CDKL1: variants seen among roughly 807,000 people sequenced by gnomAD.
CDKL1 encodes the protein cyclin-dependent kinase-like 1.
Under a neutral mutation model 42.0 loss-of-function variants are expected in CDKL1, and 41 were observed. The observed-to-expected ratio is 0.98, with a 90% CI of 0.76 to 1.27. CDKL1 has a LOEUF of 1.27. CDKL1 is among the 50% of genes most tolerant of loss of function. CDKL1 has a pLI of 0.00. For synonymous variants in CDKL1, 153 were observed against 158.6 expected, an observed-to-expected ratio of 0.96 and a Z score of 0.26; for missense variants, 394 against 428.4, an observed-to-expected ratio of 0.92 and a Z score of 0.71.
chr14:50,378,281 A>G, intron 2 of CDKL1: 2 of 1,366,568 alleles, frequency 1.5e-6, no homozygotes, highest in Non-Finnish European at 2.0e-6. Flanking sequence ...CCACGGACCT[A>G]TAATAGGATG....
Position 50,326,477 on chromosome 14 carries a change from C to G in CDKL1, c.*3597G>C. On this transcript the variant is annotated 3_prime_UTR_variant, in exon 10 of 10. Coordinates refer to ENST00000395834, the MANE Select transcript of CDKL1 (RefSeq NM_004196.7). ...AGATTCATTGATGGAGTCAATTATG[C>G]AAAGTGGTCAGTGGTTGTTGAAGCA... is the stretch of plus-strand genomic sequence containing the variant. 2.0e-6 allele frequency: 2 copies of G among 985,268 alleles called. No individual in the cohort carries two copies. The highest frequency in any genetic ancestry group is 2.4e-6 in the Non-Finnish European group (2 of 829,886). The allele number at this position is 985,268 out of a possible 1,614,324, so 61.0% of individuals were successfully genotyped here. A position where few individuals can be genotyped will look rare whatever the true frequency, so the allele number is the denominator to read the frequency against.
chr14:50,341,915 T>A (rs1054101828), intron 5 of CDKL1, among the ~76,000 whole-genome samples: 2 of 152,236 alleles, frequency 1.3e-5, no homozygotes, highest in Non-Finnish European at 2.9e-5. Flanking sequence ...TACTTTTTAA[T>A]AACTACTTTA....
chr14:50,368,351 G>A (rs926681258), intron 2 of CDKL1, among the ~76,000 whole-genome samples: 1 of 152,128 alleles, frequency 6.6e-6, no homozygotes. Context: ...CAAACTCCAG[G>A]CTCAAGTGAT....
intron 2 of CDKL1, among the ~76,000 whole-genome samples, chr14:50,369,766 C>T (rs2034539433): frequency 6.6e-6 from 1 of 151,300 alleles, no homozygotes; most frequent in Non-Finnish European, 1.5e-5. Flanking sequence ...TTACAGGCAC[C>T]AGCCACCACC....
chr14:50,393,133 A>G (rs2035306251), intron 2 of CDKL1, among the ~76,000 whole-genome samples: 1 of 152,094 alleles, frequency 6.6e-6, no homozygotes, highest in South Asian at 2.1e-4. Context: ...GAAATGCCTT[A>G]TCTCTCATTC....
At chr14:50,367,739 C>T (rs1172873779) in intron 2 of CDKL1, among the ~76,000 whole-genome samples, 3 of 152,118 alleles carry the variant, frequency 2.0e-5, no homozygotes, top group Non-Finnish European at 4.4e-5. Context: ...AAGCCAAAGC[C>T]TCAGGTCTGG....
intron 3 of CDKL1, among the ~76,000 whole-genome samples, chr14:50,352,170 C>T (rs1280103424): frequency 2.0e-5 from 3 of 152,134 alleles, no homozygotes; most frequent in Non-Finnish European, 4.4e-5. Flanking sequence ...CTGGTTTTGG[C>T]ATCAGCATAT....
At chr14:50,359,517 G>T (rs953814267) in intron 2 of CDKL1, among the ~76,000 whole-genome samples, 1 of 151,906 alleles carries the variant, frequency 6.6e-6, no homozygotes, top group Non-Finnish European at 1.5e-5. Flanking sequence ...TGTCTAAAAG[G>T]CCCCCTGAAG....
chr14:50,358,975 G>T, intron 3 of CDKL1, 53 bp downstream of exon 3: 1 of 1,568,342 alleles, frequency 6.4e-7, no homozygotes, highest in Non-Finnish European at 8.7e-7. Flanking sequence ...GCCACTTTTC[G>T]CTCACAAATC....
At chr14:50,359,751 G>A (rs1392439841) in intron 2 of CDKL1, among the ~76,000 whole-genome samples, 1 of 136,162 alleles carries the variant, frequency 7.3e-6, no homozygotes, top group African/African-American at 2.8e-5. Flanking sequence ...GCATTCCATC[G>A]TTATTTACTC....
intron 3 of CDKL1, 95 bp downstream of exon 3, chr14:50,358,933 C>T: frequency 7.8e-7 from 1 of 1,282,568 alleles, no homozygotes. Flanking sequence ...AGCCACTGCA[C>T]CCGGCCTTAC....
At chr14:50,385,117 G>A (rs950715339) in intron 2 of CDKL1, among the ~76,000 whole-genome samples, 18 of 142,464 alleles carry the variant, frequency 1.3e-4, no homozygotes, top group African/African-American at 4.5e-4. Flanking sequence ...AAGAACCATT[G>A]GGTGAAAGTT....
At chr14:50,343,403 T>C (rs1280529907) in intron 4 of CDKL1, among the ~76,000 whole-genome samples, 2 of 152,168 alleles carry the variant, frequency 1.3e-5, no homozygotes, top group African/African-American at 2.4e-5. Context: ...GTGTCAATGT[T>C]TCCCCATGGG....
At chr14:50,357,229 T>C (rs901299868) in intron 3 of CDKL1, 2 of 152,212 alleles carry the variant, frequency 1.3e-5, no homozygotes, top group African/African-American at 4.8e-5. Flanking sequence ...CTATGTAAAT[T>C]AACATTCTGA....
chr14:50,376,438 T>C, intron 2 of CDKL1: 1 of 469,540 alleles, frequency 2.1e-6, no homozygotes, highest in Non-Finnish European at 4.4e-6. Flanking sequence ...GCAAAAAATA[T>C]GAAACAACAT....
At chr14:50,387,908 T>G (rs916236987) in intron 2 of CDKL1, among the ~76,000 whole-genome samples, 1 of 152,162 alleles carries the variant, frequency 6.6e-6, no homozygotes, top group Admixed American at 6.5e-5. Context: ...GTTTGTTTTG[T>G]TTTTTTGAGA....
At chr14:50,352,335 A>C (rs1003497937) in intron 3 of CDKL1, among the ~76,000 whole-genome samples, 1 of 151,730 alleles carries the variant, frequency 6.6e-6, no homozygotes, top group African/African-American at 2.4e-5. Flanking sequence ...TATAAGAAAA[A>C]ATATATATAT....
intron 7 of CDKL1, among the ~76,000 whole-genome samples, chr14:50,335,157 G>T (rs1426402856): frequency 2.0e-5 from 3 of 151,724 alleles, no homozygotes; most frequent in African/African-American, 7.3e-5. Flanking sequence ...CTAGCTGGGG[G>T]TGGTGGTGTG....
At chr14:50,332,916 T>C (rs2033043751) in intron 8 of CDKL1, 1 of 368,416 alleles carries the variant, frequency 2.7e-6, no homozygotes. Flanking sequence ...TTTTTTTTTT[T>C]TTTTTTTGGT....
Sources: allele counts gnomAD v4.1 joint callset (sites outside exome capture counted in the v4.1 genomes callset), GRCh38; gene constraint gnomAD v4.1.1; transcripts MANE v1.5; gene names NCBI Gene and HGNC (gene_info 2026-07-23, HGNC 2026-07-21).